SLC10A7: variants seen among roughly 807,000 people sequenced by gnomAD.
SLC10A7 encodes the protein sodium/bile acid cotransporter 7.
A neutral mutation model predicts 43.2 loss-of-function variants in SLC10A7; 29 were observed. The observed-to-expected ratio is 0.67, with a 90% CI of 0.50 to 0.92. SLC10A7 has a LOEUF of 0.92. Ranked by LOEUF, SLC10A7 falls within the 40% of genes least tolerant of loss-of-function variation. The pLI is 0.00. For synonymous variants in SLC10A7, 152 were observed against 144.8 expected, an observed-to-expected ratio of 1.05 and a Z score of -0.35; for missense variants, 295 against 403.2, an observed-to-expected ratio of 0.73 and a Z score of 2.30.
intron 5 of SLC10A7, among the ~76,000 whole-genome samples, chr4:146,330,938 AG>A: frequency 6.6e-6 from 1 of 152,228 alleles, no homozygotes; most frequent in South Asian, 2.1e-4. Flanking sequence ...GAAGCAATTT[AG>A]GGCAGGTCTC....
intron 5 of SLC10A7, among the ~76,000 whole-genome samples, chr4:146,436,968 G>A (rs1237494613): frequency 6.6e-6 from 1 of 152,040 alleles, no homozygotes; most frequent in Non-Finnish European, 1.5e-5. Context: ...ATGCTGACAT[G>A]GCAAAAGCTA....
intron 4 of SLC10A7, among the ~76,000 whole-genome samples, chr4:146,462,272 T>C (rs537041810): frequency 6.6e-6 from 1 of 152,232 alleles, no homozygotes; most frequent in African/African-American, 2.4e-5. Context: ...GTTAGTAAAA[T>C]CATAGCTGAT....
chr4:146,316,179 G>A (rs1732309869), intron 6 of SLC10A7, among the ~76,000 whole-genome samples: 2 of 152,034 alleles, frequency 1.3e-5, no homozygotes, highest in East Asian at 1.9e-4. Context: ...CATGGACTGA[G>A]GAAGATATAC....
At chr4:146,493,825 G>A (rs1735664176) in intron 4 of SLC10A7, among the ~76,000 whole-genome samples, 2 of 152,242 alleles carry the variant, frequency 1.3e-5, no homozygotes, top group South Asian at 4.1e-4. Flanking sequence ...AAATTATCCA[G>A]TTTATTAAAT....
chr4:146,333,523 C>T (rs1733677028), intron 5 of SLC10A7, among the ~76,000 whole-genome samples: 2 of 151,846 alleles, frequency 1.3e-5, no homozygotes, highest in African/African-American at 4.8e-5. Flanking sequence ...AAGGAGTTAA[C>T]CAGGCAAAGG....
At chr4:146,318,512 T>G (rs1732477163) in intron 6 of SLC10A7, among the ~76,000 whole-genome samples, 1 of 152,128 alleles carries the variant, frequency 6.6e-6, no homozygotes, top group African/African-American at 2.4e-5. Flanking sequence ...GTCTACTTTG[T>G]GAATCTCTTA....
intron 5 of SLC10A7, among the ~76,000 whole-genome samples, chr4:146,339,972 C>A (rs892022030): frequency 1.3e-5 from 2 of 151,524 alleles, no homozygotes; most frequent in African/African-American, 4.9e-5. Context: ...TGCTCTCCCT[C>A]CCCTTGTCCC....
intron 5 of SLC10A7, among the ~76,000 whole-genome samples, chr4:146,410,260 A>T (rs971086606): frequency 2.6e-5 from 4 of 152,194 alleles, no homozygotes; most frequent in Non-Finnish European, 5.9e-5. Context: ...TCCTCCCTAT[A>T]TCAGTCTGCC....
At chr4:146,380,921 T>C (rs977210253) in intron 5 of SLC10A7, among the ~76,000 whole-genome samples, 7 of 152,174 alleles carry the variant, frequency 4.6e-5, no homozygotes, top group Non-Finnish European at 8.8e-5. Context: ...CACCTAAGCA[T>C]TTATTATAAA....
chr4:146,294,251 C>G (rs1264863819), intron 7 of SLC10A7, among the ~76,000 whole-genome samples, 156 bp from the exon 8 acceptor site: 1 of 152,190 alleles, frequency 6.6e-6, no homozygotes, highest in Non-Finnish European at 1.5e-5. Context: ...CCACACTACT[C>G]TTCTTCTGGG....
chr4:146,318,329 T>C (rs1349388139), intron 6 of SLC10A7, among the ~76,000 whole-genome samples: 1 of 152,096 alleles, frequency 6.6e-6, no homozygotes, highest in East Asian at 1.9e-4. Flanking sequence ...AGGTCCTCAA[T>C]GACCTCTGTC....
chr4:146,460,826 TCA>T (rs1391223771), intron 4 of SLC10A7, among the ~76,000 whole-genome samples: 9 of 152,094 alleles, frequency 5.9e-5, no homozygotes, highest in South Asian at 2.1e-4. Context: ...CACAAAAATC[TCA>T]GTTTTTAGAT....
intron 5 of SLC10A7, among the ~76,000 whole-genome samples, chr4:146,376,273 G>T (rs978271894): frequency 6.6e-6 from 1 of 152,090 alleles, no homozygotes; most frequent in East Asian, 1.9e-4. Context: ...GAAGCTCTTT[G>T]TCCGATCTTA....
At chr4:146,306,034 A>C in intron 6 of SLC10A7, 25 bp from the exon 7 acceptor site, 1 of 1,555,136 alleles carries the variant, frequency 6.4e-7, no homozygotes, top group East Asian at 2.3e-5. Context: ...AATAGGAGTT[A>C]GAATTACTTC....
intron 5 of SLC10A7, among the ~76,000 whole-genome samples, chr4:146,390,203 T>C (rs181852768): frequency 3.6e-4 from 55 of 152,094 alleles, no homozygotes; most frequent in African/African-American, 1.3e-3. Context: ...CAAGAAACTA[T>C]ATTGAAATTG....
chr4:146,375,970 C>A (rs893006110), intron 5 of SLC10A7, among the ~76,000 whole-genome samples: 2 of 152,120 alleles, frequency 1.3e-5, no homozygotes, highest in Non-Finnish European at 2.9e-5. Flanking sequence ...CCCGTGACCC[C>A]CTTCTCAGGT....
chr4:146,356,584 C>G (rs1405147562), intron 5 of SLC10A7, among the ~76,000 whole-genome samples: 2 of 151,872 alleles, frequency 1.3e-5, no homozygotes, highest in African/African-American at 4.8e-5. Context: ...GACACACACA[C>G]ACACACACTC....
intron 5 of SLC10A7, among the ~76,000 whole-genome samples, chr4:146,394,133 T>C (rs1403395860): frequency 6.6e-6 from 1 of 152,176 alleles, no homozygotes; most frequent in African/African-American, 2.4e-5. Flanking sequence ...ACTTGATATG[T>C]AAGGCCAATA....
intron 5 of SLC10A7, among the ~76,000 whole-genome samples, chr4:146,403,134 T>C (rs1739335934): frequency 6.6e-6 from 1 of 152,180 alleles, no homozygotes; most frequent in Non-Finnish European, 1.5e-5. Context: ...GTTATTGTAG[T>C]AGTCTTTGTT....
Sources: allele counts gnomAD v4.1 joint callset (sites outside exome capture counted in the v4.1 genomes callset), GRCh38; gene constraint gnomAD v4.1.1; transcripts MANE v1.5; gene names NCBI Gene and HGNC (gene_info 2026-07-23, HGNC 2026-07-21).